The following FAM222B variants were observed in gnomAD, a reference collection of about 807,000 sequenced individuals.
The protein encoded by FAM222B is family with sequence similarity 222 member B.
Under a neutral mutation model 38.0 loss-of-function variants are expected in FAM222B, and 12 were observed. The observed-to-expected ratio is 0.32, with a 90% CI of 0.20 to 0.51. FAM222B has a LOEUF of 0.51. Among genes scored for constraint, FAM222B ranks in the 20% least tolerant of loss-of-function variants. The probability of loss-of-function intolerance (pLI) is 0.97; values close to 1 mark genes in which losing one functional copy is unlikely to be tolerated. For missense variants in FAM222B, 716 were observed against 754.2 expected (o/e 0.95, Z 0.59); for synonymous variants, 329 against 317.2 (o/e 1.04, Z -0.40).
At chr17:28,845,142 C>A (rs1456973570), upstream of FAM222B, among the ~76,000 whole-genome samples, 3 of 151,498 alleles carry the variant, frequency 2.0e-5, no homozygotes, top group Non-Finnish European at 4.4e-5. Flanking sequence ...TGGCTCAGGC[C>A]TGTAATCCCA....
At chr17:28,822,897 A>G (rs2038313031) in intron 1 of FAM222B, among the ~76,000 whole-genome samples, 1 of 137,474 alleles carries the variant, frequency 7.3e-6, no homozygotes, top group African/African-American at 2.7e-5. Flanking sequence ...ACACACATAT[A>G]TGAATATAGA....
At chr17:28,807,306 G>A (rs1214287256) in intron 1 of FAM222B, among the ~76,000 whole-genome samples, 1 of 151,806 alleles carries the variant, frequency 6.6e-6, no homozygotes, top group African/African-American at 2.4e-5. Flanking sequence ...GTGAGCCACC[G>A]CGCCTGGCAA....
intron 2 of FAM222B, among the ~76,000 whole-genome samples, chr17:28,764,975 C>T (rs1597851463): frequency 1.3e-5 from 2 of 152,058 alleles, no homozygotes; most frequent in East Asian, 1.9e-4. Flanking sequence ...GAAATAGGCA[C>T]GATGCAGTTA....
intron 1 of FAM222B, among the ~76,000 whole-genome samples, chr17:28,783,124 C>A (rs944823115): frequency 6.9e-6 from 1 of 144,206 alleles, no homozygotes; most frequent in Non-Finnish European, 1.5e-5. Flanking sequence ...GGTGACAGAG[C>A]GAGACCCTGT....
intron 1 of FAM222B, among the ~76,000 whole-genome samples, chr17:28,851,447 T>G (rs1236875866): frequency 6.6e-6 from 1 of 151,268 alleles, no homozygotes; most frequent in Non-Finnish European, 1.5e-5. Flanking sequence ...GGCAGGAAAA[T>G]AGCTTGAACC....
chr17:28,784,904 C>T (rs1567828719), intron 1 of FAM222B, among the ~76,000 whole-genome samples: 2 of 151,956 alleles, frequency 1.3e-5, no homozygotes, highest in South Asian at 2.1e-4. Context: ...GTGTGAGCCA[C>T]CATGCCCAGC....
chr17:28,778,268 A>G lies in FAM222B; in HGVS notation c.-40-11561T>C, dbSNP rs1597890053. On this transcript the variant is annotated intron_variant, in intron 1 of 2. Coordinates refer to ENST00000581407, the MANE Select transcript of FAM222B (RefSeq NM_001077498.3). ...CTCCCCTTACCCTCCACCCACCGACAGGTCCTGGTATATGATGTTCCCCTA... is the reference window on the plus strand; with the variant it reads ...CTCCCCTTACCCTCCACCCACCGACGGGTCCTGGTATATGATGTTCCCCTA... Among the ~76,000 whole-genome samples the G allele has an allele frequency of 2.0e-5, 3 of 151,734 alleles. No homozygotes were observed. In the South Asian group the frequency reaches 6.3e-4, roughly 32 times the overall value.
chr17:28,810,358 A>G (rs763862661), intron 1 of FAM222B, among the ~76,000 whole-genome samples: 11 of 152,028 alleles, frequency 7.2e-5, no homozygotes, highest in Non-Finnish European at 7.4e-5. Flanking sequence ...ACTTTGTTTT[A>G]TATACTAGCT....
At chr17:28,804,381 C>A (rs1340047756) in intron 1 of FAM222B, among the ~76,000 whole-genome samples, 1 of 152,108 alleles carries the variant, frequency 6.6e-6, no homozygotes, top group Non-Finnish European at 1.5e-5. Flanking sequence ...TGTCGCCAGC[C>A]TAGAGCGCAG....
At chr17:28,828,904 C>CT (rs879920718) in intron 1 of FAM222B, among the ~76,000 whole-genome samples, 262 of 144,420 alleles carry the variant, frequency 1.8e-3, no homozygotes, top group African/African-American at 2.9e-3. Flanking sequence ...CAACTCTCTA[C>CT]TTTTTTTTTT....
chr17:28,837,227 G>A (rs2038874474), intron 1 of FAM222B, among the ~76,000 whole-genome samples: 2 of 151,986 alleles, frequency 1.3e-5, no homozygotes, highest in Non-Finnish European at 1.5e-5. Context: ...TCAGGAGATC[G>A]AGACCATCCT....
At chr17:28,761,883 G>A (rs1206266499) in intron 2 of FAM222B, 1 of 152,110 alleles carries the variant, frequency 6.6e-6, no homozygotes, top group Non-Finnish European at 1.5e-5. Flanking sequence ...TGTCTTATTG[G>A]TCATAATCTC....
chr17:28,769,082 T>A (rs929135111), intron 1 of FAM222B, among the ~76,000 whole-genome samples: 1 of 151,696 alleles, frequency 6.6e-6, no homozygotes, highest in African/African-American at 2.4e-5. Flanking sequence ...CATCTCATCA[T>A]CTCTAGATGG....
chr17:28,830,361 C>T (rs1407343559), intron 1 of FAM222B, among the ~76,000 whole-genome samples: 3 of 150,654 alleles, frequency 2.0e-5, no homozygotes, highest in Non-Finnish European at 3.0e-5. Context: ...GCGGTTTCAC[C>T]GTGTTAGCCG....
chr17:28,826,582 G>A (rs1030728513), intron 1 of FAM222B, among the ~76,000 whole-genome samples: 1 of 151,050 alleles, frequency 6.6e-6, no homozygotes, highest in Non-Finnish European at 1.5e-5. Context: ...TTGGGAGGCT[G>A]AGACAGGAGA....
At chr17:28,809,270 G>T (rs1294348142) in intron 1 of FAM222B, among the ~76,000 whole-genome samples, 1 of 151,320 alleles carries the variant, frequency 6.6e-6, no homozygotes, top group Non-Finnish European at 1.5e-5. Flanking sequence ...AGAACTGCTT[G>T]AACCTGGGAA....
intron 1 of FAM222B, among the ~76,000 whole-genome samples, chr17:28,812,846 A>G (rs1215037680): frequency 2.0e-5 from 3 of 151,206 alleles, no homozygotes; most frequent in East Asian, 3.9e-4. Flanking sequence ...TTCAACAGCA[A>G]TTGCCACCTG....
chr17:28,830,985 T>C (rs1437583054), intron 1 of FAM222B, among the ~76,000 whole-genome samples: 2 of 135,906 alleles, frequency 1.5e-5, no homozygotes, highest in Non-Finnish European at 3.2e-5. Flanking sequence ...ATAGTGTGAA[T>C]GTTTCTTTTT....
At chr17:28,798,760 G>C (rs1033876414) in intron 1 of FAM222B, among the ~76,000 whole-genome samples, 2 of 146,294 alleles carry the variant, frequency 1.4e-5, no homozygotes, top group Non-Finnish European at 3.0e-5. Context: ...TCAGCCTCCT[G>C]AGTAGCGCCA....
Sources: allele counts gnomAD v4.1 joint callset (sites outside exome capture counted in the v4.1 genomes callset), GRCh38; gene constraint gnomAD v4.1.1; transcripts MANE v1.5; gene names NCBI Gene and HGNC (gene_info 2026-07-23, HGNC 2026-07-21).